Variants in SMG7 observed in about 807,000 individuals in gnomAD.
SMG7 encodes the protein SMG7 nonsense mediated mRNA decay factor.
In SMG7, 34 loss-of-function variants were observed where a neutral mutation model predicts 148.2. That is an observed-to-expected ratio of 0.23 (90% CI 0.17 to 0.31). The LOEUF is 0.31. SMG7 is among the 10% of genes least tolerant of loss of function. The pLI is 1.00. For synonymous variants in SMG7, 492 were observed against 515.1 expected (o/e 0.96, Z 0.61); for missense variants, 1,114 against 1,408.4 (o/e 0.79, Z 3.35).
chr1:183,472,730 C>A, intron 1 of SMG7, 81 bp downstream of exon 1: 2 of 1,244,158 alleles, frequency 1.6e-6, no homozygotes, highest in Non-Finnish European at 1.1e-6. Context: ...GAGGTAAGTC[C>A]GGGGTGGCGG....
chr1:183,545,023 C>G lies in SMG7; in HGVS notation c.2081C>G (p.Thr694Ser), dbSNP rs768342518. 6 of 1,614,010 alleles carry G rather than the reference C, an allele frequency of 3.7e-6. No homozygotes were observed. The South Asian group carries it at 5.5e-5, about 15-fold the overall frequency. ...CCAGCTGGTGTTTCTGTCCCAGGAA[C>G]CTTTCTTCAGCCTACAGCTCACTCT... ...TFPAGVSVPG[T>S]FLQPTAHSPA... is the part of the protein sequence containing the mutation. The change falls in exon 16 of 23, where the codon ACC becomes AGC. Residue 694 changes from threonine (T) to serine (S), a missense_variant. This residue lies in a region of SMG7 where 788 missense variants were observed against 894.5 expected (regional missense o/e 0.88). Transcript: ENST00000688051.
chr1:183,524,152 G>C (rs530295453), intron 4 of SMG7, among the ~76,000 whole-genome samples: 5 of 151,952 alleles, frequency 3.3e-5, no homozygotes, highest in South Asian at 4.2e-4. Flanking sequence ...GTATATCATA[G>C]CTCACTGCGG....
chr1:183,541,170 GCGCGCGCACACA>G (rs1668765863), intron 13 of SMG7, 67 bp downstream of exon 13: 2 of 1,356,584 alleles, frequency 1.5e-6, no homozygotes, highest in Non-Finnish European at 2.1e-6. Flanking sequence ...GCGCGCACAC[GCGCGCGCACACA>G]CACACATCTC....
intron 13 of SMG7, among the ~76,000 whole-genome samples, chr1:183,541,471 G>C: frequency 6.6e-6 from 1 of 152,246 alleles, no homozygotes; most frequent in Non-Finnish European, 1.5e-5. Flanking sequence ...AGGCAGGACA[G>C]ACCAAGATCG....
rs142544364 is a variant in SMG7, at chr1:183,547,033, A to G, written c.2743-70A>G. 105 of 1,424,058 alleles carry G rather than the reference A, an allele frequency of 7.4e-5. No homozygotes were observed. In the East Asian group the frequency reaches 2.6e-3, roughly 35 times the overall value. 88.2% of individuals were successfully genotyped at this position (1,424,058 alleles called of 1,614,324 possible). A position where few individuals can be genotyped will look rare whatever the true frequency, so the allele number is the denominator to read the frequency against. ...GACTTTAGTTGTCTTCTTCCACCTA[A>G]TTATGCTACTATTCCTTTATGCTTT... On this transcript the variant is annotated intron_variant, in intron 17 of 22. Transcript: ENST00000688051.
chr1:183,484,129 A>T (rs1654844991), intron 1 of SMG7, among the ~76,000 whole-genome samples: 2 of 152,106 alleles, frequency 1.3e-5, no homozygotes, highest in African/African-American at 4.8e-5. Flanking sequence ...AGATAGACAC[A>T]GTATAATCCC....
chr1:183,530,933 G>A (rs780519040), intron 8 of SMG7, among the ~76,000 whole-genome samples: 20 of 152,140 alleles, frequency 1.3e-4, no homozygotes, highest in Admixed American at 3.3e-4. Context: ...AGTAAGTTTT[G>A]CATTTGGTTC....
At chr1:183,493,132 T>A (rs539594925) in intron 1 of SMG7, among the ~76,000 whole-genome samples, 3 of 144,464 alleles carry the variant, frequency 2.1e-5, no homozygotes, top group African/African-American at 7.3e-5. Flanking sequence ...CCACTGTTCC[T>A]GGCTAATTTT....
rs974077365 is a variant in SMG7, at chr1:183,483,504, G to C, written c.29+10855G>C. 1.3e-5 allele frequency among the ~76,000 whole-genome samples: 2 copies of C among 151,904 alleles called. 1 individual carries two copies. The highest frequency in any genetic ancestry group is 4.1e-4 in the South Asian group (2 of 4,828). On this transcript the variant is annotated intron_variant, in intron 1 of 22. Coordinates refer to ENST00000688051, the MANE Select transcript of SMG7 (RefSeq NM_001375584.1). ...CTTACTTGAAATTTTTTTTATTACT[G>C]GTGAAAAAAGTAAAAAAGCATAGTG...
chr1:183,521,858 C>CAAAA (rs35144368), intron 4 of SMG7, among the ~76,000 whole-genome samples: 1 of 129,208 alleles, frequency 7.7e-6, no homozygotes, highest in African/African-American at 2.8e-5. Flanking sequence ...GACCTTGTCT[C>CAAAA]AAAAAAAAAA....
At chr1:183,546,934 C>G (rs1264086526) in intron 17 of SMG7, among the ~76,000 whole-genome samples, 169 bp from the exon 18 acceptor site, 1 of 152,228 alleles carries the variant, frequency 6.6e-6, no homozygotes, top group Non-Finnish European at 1.5e-5. Context: ...CATTATTGTC[C>G]TTGTGTCGCT....
intron 13 of SMG7, 124 bp from the exon 14 acceptor site, chr1:183,541,952 G>T: frequency 1.3e-6 from 1 of 789,192 alleles, no homozygotes; most frequent in South Asian, 1.8e-5. Flanking sequence ...AATCCACATT[G>T]TTATATCCTG....
Position 183,550,736 on chromosome 1 carries a change from G to T in SMG7, c.3134-15G>T. Reference sequence around the variant, plus strand: ...ACAATGATTTACTATATCCTGTGTTGCTATTATTTAATAGATCATTCAACA... The same window carrying T: ...ACAATGATTTACTATATCCTGTGTTTCTATTATTTAATAGATCATTCAACA... On this transcript the variant is annotated splice_polypyrimidine_tract_variant and intron_variant, in intron 20 of 22. Transcript: ENST00000688051. 6.2e-7 allele frequency: 1 copy of T among 1,612,826 alleles called. No homozygotes were observed. The highest frequency in any genetic ancestry group is 8.5e-7 in the Non-Finnish European group (1 of 1,178,966).
intron 17 of SMG7, among the ~76,000 whole-genome samples, 156 bp from the exon 18 acceptor site, chr1:183,546,947 G>GC (rs1218112506): frequency 6.6e-6 from 1 of 152,120 alleles, no homozygotes; most frequent in East Asian, 1.9e-4. Context: ...GTGTCGCTTT[G>GC]CCTTTGCATT....
At chr1:183,482,212 A>T (rs558731281) in intron 1 of SMG7, among the ~76,000 whole-genome samples, 43 of 148,176 alleles carry the variant, frequency 2.9e-4, no homozygotes, top group African/African-American at 1.0e-3. Flanking sequence ...CTCATTCTGC[A>T]TTTTTTTGTG....
chr1:183,473,551 T>C (rs930275596), intron 1 of SMG7, among the ~76,000 whole-genome samples: 1 of 152,100 alleles, frequency 6.6e-6, no homozygotes, highest in Non-Finnish European at 1.5e-5. Context: ...CCAGCTTTTG[T>C]GTCAGCTGAA....
intron 1 of SMG7, among the ~76,000 whole-genome samples, chr1:183,477,686 G>T (rs946678269): frequency 3.5e-5 from 5 of 143,282 alleles, no homozygotes; most frequent in Non-Finnish European, 7.6e-5. Context: ...ATACGTGTGT[G>T]CATATGTGTA....
intron 1 of SMG7, among the ~76,000 whole-genome samples, chr1:183,474,803 C>T (rs187481205): frequency 6.6e-6 from 1 of 152,272 alleles, no homozygotes; most frequent in African/African-American, 2.4e-5. Context: ...CTTTGTTAGA[C>T]TTCAAGAAAA....
chr1:183,547,033 A>T (rs142544364), intron 17 of SMG7, 70 bp from the exon 18 acceptor site: 16 of 1,423,940 alleles, frequency 1.1e-5, no homozygotes, highest in Non-Finnish European at 1.4e-5. Flanking sequence ...CTTCCACCTA[A>T]TTATGCTACT....
Sources: allele counts gnomAD v4.1 joint callset (sites outside exome capture counted in the v4.1 genomes callset), GRCh38; gene constraint gnomAD v4.1.1; regional missense constraint gnomAD v4.1.1; transcripts MANE v1.5; gene names NCBI Gene and HGNC (gene_info 2026-07-23, HGNC 2026-07-21).